The following ATXN1 variants were observed in gnomAD, a reference collection of about 807,000 sequenced individuals.
The protein encoded by ATXN1 is ataxin-1.
Under a neutral mutation model 56.4 loss-of-function variants are expected in ATXN1, and 8 were observed. That is an observed-to-expected ratio of 0.14 (90% CI 0.08 to 0.26). The LOEUF (loss-of-function observed/expected upper bound fraction) is 0.26, where lower values mean the gene tolerates loss of function less well. ATXN1 is among the 10% of genes least tolerant of loss of function. ATXN1 has a pLI of 1.00. For synonymous variants in ATXN1, 514 were observed against 494.6 expected (o/e 1.04, Z -0.52); for missense variants, 987 against 1,106.5 (o/e 0.89, Z 1.53).
chr6:16,594,455 C>A (rs1463421540), intron 3 of ATXN1, among the ~76,000 whole-genome samples: 1 of 151,260 alleles, frequency 6.6e-6, no homozygotes, highest in African/African-American at 2.4e-5. Context: ...GTGTTACAGG[C>A]TCAAATTCCT....
intron 6 of ATXN1, among the ~76,000 whole-genome samples, chr6:16,432,334 T>C (rs990384446): frequency 6.6e-6 from 1 of 152,208 alleles, no homozygotes; most frequent in African/African-American, 2.4e-5. Flanking sequence ...AATATCATCA[T>C]GAAATCAACG....
chr6:16,470,159 G>A (rs1300802903), intron 6 of ATXN1, among the ~76,000 whole-genome samples: 2 of 152,138 alleles, frequency 1.3e-5, no homozygotes, highest in Non-Finnish European at 1.5e-5. Context: ...TAAAAAGGAA[G>A]GAAATTCTGA....
chr6:16,493,228 ATC>A lies in ATXN1; in HGVS notation c.-298-7121_-298-7120del, dbSNP rs1170141938. On this transcript the variant is annotated intron_variant, in intron 5 of 7. Transcript: ENST00000436367. Reference sequence around the variant, plus strand: ...CGAAATTCTTTATTTGATGCTGAAGATCTTCACAATCTGGCCCCAGCATGCTT... The same window carrying A: ...CGAAATTCTTTATTTGATGCTGAAGATTCACAATCTGGCCCCAGCATGCTT... Among the ~76,000 whole-genome samples, 5 of 152,224 alleles carry A rather than the reference ATC, an allele frequency of 3.3e-5. No homozygotes were observed. The East Asian group carries it at 9.6e-4, about 29-fold the overall frequency.
chr6:16,400,809 A>C (rs1758552319), intron 6 of ATXN1, among the ~76,000 whole-genome samples: 1 of 152,226 alleles, frequency 6.6e-6, no homozygotes. Flanking sequence ...TACAAGCCAG[A>C]GAAAAGCTCA....
chr6:16,310,813 C>A (rs1025996036), intron 7 of ATXN1, among the ~76,000 whole-genome samples: 7 of 152,196 alleles, frequency 4.6e-5, no homozygotes, highest in African/African-American at 1.7e-4. Context: ...CACATTCAGA[C>A]ACACAAAAAC....
intron 4 of ATXN1, among the ~76,000 whole-genome samples, chr6:16,562,740 T>C (rs1762147082): frequency 6.6e-6 from 1 of 151,854 alleles, no homozygotes; most frequent in Non-Finnish European, 1.5e-5. Flanking sequence ...TCTGGATGAA[T>C]AGAACACAGA....
chr6:16,644,681 C>T (rs1288824990), intron 3 of ATXN1, among the ~76,000 whole-genome samples: 2 of 151,784 alleles, frequency 1.3e-5, no homozygotes, highest in Admixed American at 6.6e-5. Context: ...GTCCCTGAGA[C>T]ACAGCGTGCT....
chr6:16,633,282 T>C (rs1242668180), intron 3 of ATXN1, among the ~76,000 whole-genome samples: 2 of 152,188 alleles, frequency 1.3e-5, no homozygotes, highest in Non-Finnish European at 2.9e-5. Flanking sequence ...ACAAGGAAGA[T>C]TATAAACAAG....
intron 6 of ATXN1, among the ~76,000 whole-genome samples, chr6:16,392,185 C>T (rs961027300): frequency 6.6e-6 from 1 of 152,244 alleles, no homozygotes; most frequent in African/African-American, 2.4e-5. Context: ...GCCTTCTTTA[C>T]AGATGGCTGC....
At chr6:16,322,722 TTC>T (rs1395389130) in intron 7 of ATXN1, among the ~76,000 whole-genome samples, 1 of 152,014 alleles carries the variant, frequency 6.6e-6, no homozygotes, top group Non-Finnish European at 1.5e-5. Context: ...CAGATATGAG[TTC>T]TCTCTCTCCC....
chr6:16,315,809 T>C (rs991519746), intron 7 of ATXN1, among the ~76,000 whole-genome samples: 1 of 152,112 alleles, frequency 6.6e-6, no homozygotes, highest in Non-Finnish European at 1.5e-5. Flanking sequence ...ACCACATGCA[T>C]GCACCACCAT....
chr6:16,717,702 A>G (rs1233992226), intron 2 of ATXN1, among the ~76,000 whole-genome samples: 1 of 152,216 alleles, frequency 6.6e-6, no homozygotes, highest in East Asian at 1.9e-4. Flanking sequence ...ATATGCTGGC[A>G]TCATGGTCTC....
Position 16,406,048 on chromosome 6 carries a change from T to C in ATXN1, c.-160-77578A>G, listed in dbSNP as rs924493420. On this transcript the variant is annotated intron_variant, in intron 6 of 7. Transcript: ENST00000436367. Reference sequence around the variant, plus strand: ...AAAGAAAATACTATAAACCTGTGTTTGAGCTATTTCTCTTGCTTTCAATGC... The same window carrying C: ...AAAGAAAATACTATAAACCTGTGTTCGAGCTATTTCTCTTGCTTTCAATGC... Among the ~76,000 whole-genome samples, 3 of 152,248 alleles carry C rather than the reference T, an allele frequency of 2.0e-5. No homozygotes were observed. The East Asian group carries it at 5.8e-4, about 29-fold the overall frequency.
chr6:16,486,625 G>A (rs1297313494), intron 5 of ATXN1, among the ~76,000 whole-genome samples: 1 of 152,074 alleles, frequency 6.6e-6, no homozygotes, highest in Admixed American at 6.5e-5. Context: ...ACTATCCCGG[G>A]AGCATCCAAA....
chr6:16,395,270 CAAA>C (rs748314030), intron 6 of ATXN1, among the ~76,000 whole-genome samples: 1,049 of 48,412 alleles, frequency 0.022, 9 homozygotes, highest in Non-Finnish European at 0.031. Context: ...AACTCCGTCT[CAAA>C]AAAAAAAAAA....
intron 2 of ATXN1, among the ~76,000 whole-genome samples, chr6:16,731,774 C>G (rs1759993463): frequency 6.6e-6 from 1 of 151,780 alleles, no homozygotes; most frequent in Non-Finnish European, 1.5e-5. Context: ...CCCACCTACC[C>G]CCACCCCTCC....
intron 4 of ATXN1, among the ~76,000 whole-genome samples, chr6:16,581,928 A>C (rs1489253880): frequency 6.6e-6 from 1 of 152,198 alleles, no homozygotes; most frequent in African/African-American, 2.4e-5. Context: ...CTCATTTCAC[A>C]ATTTCTTAAG....
chr6:16,454,226 A>G (rs1266842207), intron 6 of ATXN1, among the ~76,000 whole-genome samples: 2 of 151,882 alleles, frequency 1.3e-5, no homozygotes, highest in African/African-American at 2.4e-5. Flanking sequence ...GTACAGGGAT[A>G]GAGCAGTGAG....
chr6:16,745,257 T>A (rs1251603166), intron 2 of ATXN1, among the ~76,000 whole-genome samples: 1 of 152,244 alleles, frequency 6.6e-6, no homozygotes, highest in Admixed American at 6.5e-5. Flanking sequence ...AGCCTTCTGA[T>A]GTGAGTGTGT....
Sources: gnomAD v4.1 joint callset for allele counts (sites outside exome capture counted in the v4.1 genomes callset) on GRCh38, gnomAD v4.1.1 for gene constraint, MANE v1.5 for transcripts, NCBI Gene and HGNC (gene_info 2026-07-23, HGNC 2026-07-21) for gene names.